LIPG: variants seen among roughly 807,000 people sequenced by gnomAD.
The protein encoded by LIPG is endothelial lipase.
Under a neutral mutation model 51.8 loss-of-function variants are expected in LIPG, and 34 were observed. The observed-to-expected ratio is 0.66, with a 90% CI of 0.50 to 0.87. The LOEUF (loss-of-function observed/expected upper bound fraction) is 0.87, where lower values mean the gene tolerates loss of function less well. LIPG is among the 40% of genes least tolerant of loss of function. LIPG has a pLI of 0.00. For missense variants in LIPG, 580 were observed against 652.7 expected, an observed-to-expected ratio of 0.89 and a Z score of 1.21; for synonymous variants, 246 against 246.1, an observed-to-expected ratio of 1.00 and a Z score of 0.00.
Position 49,565,408 on chromosome 18 carries a change from A to G in LIPG, c.189A>G (p.Gly63=). The G allele has an allele frequency of 6.2e-7, 1 of 1,614,230 alleles. No individual in the cohort carries two copies. The highest frequency in any genetic ancestry group is 8.5e-7 in the Non-Finnish European group (1 of 1,180,042). The change falls in exon 2 of 10, where the codon GGA becomes GGG. Residue 63 remains glycine (G), a synonymous_variant. Transcript: ENST00000261292. ...LRTSKDPEHE[G]CYLSVGHSQP... is the part of the protein sequence containing the mutation. ...CCTCCAAGGACCCAGAGCATGAAGGATGCTACCTCTCCGTCGGCCACAGCC... is the reference window on the plus strand; with the variant it reads ...CCTCCAAGGACCCAGAGCATGAAGGGTGCTACCTCTCCGTCGGCCACAGCC...
At chr18:49,586,038 C>A (rs561639753) in intron 8 of LIPG, among the ~76,000 whole-genome samples, 1 of 152,312 alleles carries the variant, frequency 6.6e-6, no homozygotes, top group East Asian at 1.9e-4. Flanking sequence ...GCCCCACACC[C>A]TTAAGGATTA....
chr18:49,587,568 C>CAAAAAAAAAAAAAAAA (rs34734805), intron 9 of LIPG, among the ~76,000 whole-genome samples: 4 of 42,310 alleles, frequency 9.5e-5, no homozygotes, highest in African/African-American at 3.2e-4. Flanking sequence ...GACTCCGTCT[C>CAAAAAAAAAAAAAAAA]AAAAAAAAAA....
rs762482490 is a variant in LIPG at position 49,569,558 on chromosome 18, A to G, written c.571+10A>G. ...GTGGGCCGAATCACAGGTGAGCTCCACTTCCATCACTAAAGGGCTCCCTCA... is the reference window on the plus strand; with the variant it reads ...GTGGGCCGAATCACAGGTGAGCTCCGCTTCCATCACTAAAGGGCTCCCTCA... On this transcript the variant is annotated intron_variant, in intron 4 of 9. Coordinates refer to ENST00000261292, the MANE Select transcript of LIPG (RefSeq NM_006033.4). 6.2e-7 allele frequency: 1 copy of G among 1,603,916 alleles called. No homozygotes were observed. The highest frequency in any genetic ancestry group is 1.7e-5 in the Admixed American group (1 of 59,920).
intron 8 of LIPG, among the ~76,000 whole-genome samples, chr18:49,586,233 G>T (rs59325201): frequency 0.014 from 2,138 of 152,290 alleles, 49 homozygotes; most frequent in African/African-American, 0.049. Context: ...CTGGACTAGA[G>T]GTACTTTGAA....
chr18:49,567,069 G>A (rs377007422), intron 2 of LIPG, among the ~76,000 whole-genome samples: 1 of 152,236 alleles, frequency 6.6e-6, no homozygotes, highest in Non-Finnish European at 1.5e-5. Context: ...GGGCATGGTG[G>A]CTCACGCCTA....
chr18:49,574,173 T>C lies in LIPG; in HGVS notation c.572-1196T>C, dbSNP rs189356252. Among the ~76,000 whole-genome samples, 160 of 152,346 alleles carry C rather than the reference T, an allele frequency of 1.1e-3. 1 individual carries two copies. The highest frequency in any genetic ancestry group is 3.7e-3 in the African/African-American group (154 of 41,582). On this transcript the variant is annotated intron_variant, in intron 4 of 9. Coordinates refer to ENST00000261292, the MANE Select transcript of LIPG (RefSeq NM_006033.4). ...GTGTCTGTGGGGCAAAGAGCTGTTC[T>C]GGTTGGGATAAATCTGGTTCCCATA...
intron 9 of LIPG, 23 bp from the exon 10 acceptor site, chr18:49,590,478 C>T (rs2084930108): frequency 3.8e-6 from 6 of 1,597,406 alleles, no homozygotes; most frequent in Non-Finnish European, 5.1e-6. Flanking sequence ...TAACAAATGC[C>T]ACTCTCACAC....
intron 5 of LIPG, among the ~76,000 whole-genome samples, chr18:49,579,027 GGAGA>G (rs1210559995): frequency 0.17 from 11 of 66 alleles, no homozygotes; most frequent in Admixed American, 0.5. Flanking sequence ...AGAGGGAGAG[GGAGA>G]GGGAGAGGGA....
At chr18:49,562,591 G>A (rs1348994908) in intron 1 of LIPG, among the ~76,000 whole-genome samples, 186 bp downstream of exon 1, 2 of 152,208 alleles carry the variant, frequency 1.3e-5, no homozygotes, top group Non-Finnish European at 2.9e-5. Context: ...GGCATTCCCG[G>A]CAAGTCATGC....
chr18:49,579,793 CTTTTCTTTTCTTTTCTTTTCTTTT>C (rs2084797508), intron 5 of LIPG, among the ~76,000 whole-genome samples: 1 of 139,270 alleles, frequency 7.2e-6, no homozygotes, highest in African/African-American at 3.0e-5. Flanking sequence ...CTTTTCTTTT[CTTTTCTTTTCTTTTCTTTTCTTTT>C]CTTTACTTTA....
Position 49,597,935 on chromosome 18 carries a change from T to G in LIPG, c.*7413T>G, listed in dbSNP as rs574955819. The stretch of plus-strand genomic sequence containing the variant: ...GGTTATTATCCCAAGGCAACTTCAG[T>G]GGGCTTGTTTTGAAGTCAAAGCCTC... On this transcript the variant is annotated 3_prime_UTR_variant, in exon 10 of 10. Transcript: ENST00000261292. The G allele has an allele frequency of 3.7e-4, 56 of 152,328 alleles. No individual in the cohort carries two copies. Among genetic ancestry groups the G allele is most frequent in the African/African-American group, 1.2e-3 (49 of 41,578 alleles). The allele number at this position is 152,328 out of a possible 1,614,324, so 9.4% of individuals were successfully genotyped here.
chr18:49,575,160 G>A (rs1600551851), intron 4 of LIPG, among the ~76,000 whole-genome samples: 2 of 152,212 alleles, frequency 1.3e-5, no homozygotes, highest in Non-Finnish European at 1.5e-5. Flanking sequence ...TTCCATAACA[G>A]TAGGATTTAA....
intron 5 of LIPG, among the ~76,000 whole-genome samples, chr18:49,577,991 C>T (rs866821022): frequency 0.032 from 4,450 of 137,518 alleles, 20 homozygotes; most frequent in African/African-American, 0.075. Flanking sequence ...CCACCTCCCT[C>T]CCGGACGGCA....
At chr18:49,562,675 C>T (rs2084563539) in intron 1 of LIPG, among the ~76,000 whole-genome samples, 1 of 151,828 alleles carries the variant, frequency 6.6e-6, no homozygotes. Context: ...TTATACGGCT[C>T]CCTAAGCCAG....
rs1163256800 is a variant in LIPG, at chr18:49,590,477, C to G, written c.1482-24C>G. 6 of 1,596,892 alleles carry G rather than the reference C, an allele frequency of 3.8e-6. No individual in the cohort carries two copies. In the African/African-American group the frequency reaches 8.0e-5, roughly 21 times the overall value. On this transcript the variant is annotated intron_variant, in intron 9 of 9. Transcript: ENST00000261292. ...TTGCTGGTGTGTGAGCTAACAAATG[C>G]CACTCTCACACGGTTTCTTTCAGTC...
In LIPG at chr18:49,590,610, A is replaced by G. The variant is rs2143984817; in HGVS notation, c.*88A>G. ...GAAAGTTACTGCTGAGGACCCACCC[A>G]ATGGAAGGATTCTTCTCAGCCTTGA... On this transcript the variant is annotated 3_prime_UTR_variant, in exon 10 of 10. Coordinates refer to ENST00000261292, the MANE Select transcript of LIPG (RefSeq NM_006033.4). 1 of 1,320,592 alleles carries G rather than the reference A, an allele frequency of 7.6e-7. No homozygotes were observed. The highest frequency in any genetic ancestry group is 1.1e-6 in the Non-Finnish European group (1 of 936,142). 81.8% of individuals were successfully genotyped at this position (1,320,592 alleles called of 1,614,324 possible). A position where few individuals can be genotyped will look rare whatever the true frequency, so the allele number is the denominator to read the frequency against.
At chr18:49,567,322 G>A (rs1008083304) in intron 2 of LIPG, 120 bp from the exon 3 acceptor site, 23 of 988,402 alleles carry the variant, frequency 2.3e-5, no homozygotes, top group Non-Finnish European at 3.3e-5. Flanking sequence ...GGGCAACAGA[G>A]TGAGACCCTG....
At position 49,586,812 on chromosome 18, in the gene LIPG, C is replaced by A; in HGVS notation, c.1443C>A (p.Arg481=). The A allele has an allele frequency of 6.2e-7, 1 of 1,614,158 alleles. No individual in the cohort carries two copies. Among genetic ancestry groups the A allele is most frequent in the Non-Finnish European group, 8.5e-7 (1 of 1,180,010 alleles). The change falls in exon 9 of 10, where the codon CGC becomes CGA. Residue 481 remains arginine (R), a synonymous_variant. Coordinates refer to ENST00000261292, the MANE Select transcript of LIPG (RefSeq NM_006033.4). ...CCCCAGGCCGGGAGCTCTGGTTTCGCAAGTGTCGGGATGGCTGGAGGATGA... is the reference window on the plus strand; with the variant it reads ...CCCCAGGCCGGGAGCTCTGGTTTCGAAAGTGTCGGGATGGCTGGAGGATGA... ...SISPGRELWF[R]KCRDGWRMKN...
In LIPG at chr18:49,590,938, G is replaced by A. The variant is rs928956644; in HGVS notation, c.*416G>A. On this transcript the variant is annotated 3_prime_UTR_variant, in exon 10 of 10. Coordinates refer to ENST00000261292, the MANE Select transcript of LIPG (RefSeq NM_006033.4). ...TGCTCAGCCTGCTTTGAGCCTCAGT[G>A]AGAAGTCCTTCCGACAGGAGCTGAC... The A allele has an allele frequency of 3.3e-6, 1 of 301,802 alleles. No individual in the cohort carries two copies. The highest frequency in any genetic ancestry group is 6.5e-6 in the Non-Finnish European group (1 of 154,270). 18.7% of individuals were successfully genotyped at this position (301,802 alleles called of 1,614,324 possible). A position where few individuals can be genotyped will look rare whatever the true frequency, so the allele number is the denominator to read the frequency against.
Sources: gnomAD v4.1 joint callset for allele counts (sites outside exome capture counted in the v4.1 genomes callset) on GRCh38, gnomAD v4.1.1 for gene constraint, MANE v1.5 for transcripts, NCBI Gene and HGNC (gene_info 2026-07-23, HGNC 2026-07-21) for gene names.